PCED1B: variants seen among roughly 807,000 people sequenced by gnomAD.
The protein encoded by PCED1B is PC-esterase domain containing 1B, also known as PC-esterase domain-containing protein 1B.
For synonymous variants in PCED1B, 251 were observed against 246.1 expected (o/e 1.02, Z -0.19); for missense variants, 573 against 573.9 (o/e 1.00, Z 0.02).
chr12:47,125,718 A>T (rs533623747), intron 2 of PCED1B, among the ~76,000 whole-genome samples: 1 of 152,156 alleles, frequency 6.6e-6, no homozygotes, highest in African/African-American at 2.4e-5. Context: ...CAAGCCTTGG[A>T]CAGCTTTTGT....
intron 2 of PCED1B, among the ~76,000 whole-genome samples, chr12:47,136,521 G>C (rs56887741): frequency 1.1e-3 from 167 of 152,298 alleles, no homozygotes; most frequent in African/African-American, 3.8e-3. Context: ...AGCTGGGAAA[G>C]AAACCAAATA....
chr12:47,164,338 C>T (rs1392370264), intron 2 of PCED1B, among the ~76,000 whole-genome samples: 1 of 152,176 alleles, frequency 6.6e-6, no homozygotes, highest in Non-Finnish European at 1.5e-5. Flanking sequence ...GGTAAACATT[C>T]CCACTCCAAA....
At chr12:47,083,527 G>T (rs1029133931) in intron 1 of PCED1B, among the ~76,000 whole-genome samples, 4 of 152,154 alleles carry the variant, frequency 2.6e-5, no homozygotes, top group African/African-American at 9.7e-5. Context: ...CTATGGAAGT[G>T]CACTCAGCTC....
At chr12:47,133,330 A>T (rs577492403) in intron 2 of PCED1B, among the ~76,000 whole-genome samples, 8 of 152,178 alleles carry the variant, frequency 5.3e-5, no homozygotes, top group Non-Finnish European at 1.0e-4. Context: ...TCCTAGAAGG[A>T]TTTGATGTGA....
At chr12:47,193,698 T>C (rs1942517118) in intron 2 of PCED1B, among the ~76,000 whole-genome samples, 1 of 152,226 alleles carries the variant, frequency 6.6e-6, no homozygotes, top group African/African-American at 2.4e-5. Context: ...TTTCTCCCCG[T>C]GACATAAATT....
In PCED1B at chr12:47,235,172, C is replaced by G. The variant is rs1401182324; in HGVS notation, c.109C>G (p.Leu37Val). 1 of 1,588,504 alleles carries G rather than the reference C, an allele frequency of 6.3e-7. No individual in the cohort carries two copies. Among genetic ancestry groups the G allele is most frequent in the Admixed American group, 1.7e-5 (1 of 58,318 alleles). The change falls in exon 4 of 4, where the codon CTG becomes GTG. Residue 37 changes from leucine to valine, a missense_variant. Transcript: ENST00000546455. ...RAVYKDLVLLLQKDRLLTPGQ... is the reference protein window; with the variant it reads ...RAVYKDLVLLVQKDRLLTPGQ... The stretch of plus-strand genomic sequence containing the variant: ...AGTATACAAGGACCTGGTGCTTCTG[C>G]TGCAGAAGGACCGCCTGCTCACTCC...
At chr12:47,115,814 T>A (rs1056492092) in intron 2 of PCED1B, among the ~76,000 whole-genome samples, 13 of 152,228 alleles carry the variant, frequency 8.5e-5, no homozygotes, top group Admixed American at 6.5e-4. Context: ...TATGTGTAAA[T>A]TATTTAATAT....
chr12:47,154,318 A>G (rs1941114110), intron 2 of PCED1B, among the ~76,000 whole-genome samples: 1 of 152,182 alleles, frequency 6.6e-6, no homozygotes, highest in South Asian at 2.1e-4. Context: ...TATGAGCACT[A>G]CGAAAACACT....
At chr12:47,156,139 A>G (rs1941184708) in intron 2 of PCED1B, among the ~76,000 whole-genome samples, 1 of 152,208 alleles carries the variant, frequency 6.6e-6, no homozygotes, top group Non-Finnish European at 1.5e-5. Context: ...TTTATTCAAA[A>G]TATACTTTTT....
chr12:47,089,855 C>A lies in PCED1B; in HGVS notation c.-609+10130C>A, dbSNP rs554845482. On this transcript the variant is annotated intron_variant, in intron 1 of 3. Transcript: ENST00000546455. ...GTGGCATGATCTTGGCTCACTGCAA[C>A]CTCTGCCTCCCGGGTTCAAGTGATT... Among the ~76,000 whole-genome samples the A allele has an allele frequency of 6.6e-5, 10 of 152,130 alleles. No individual in the cohort carries two copies. In the East Asian group the frequency reaches 9.7e-4, roughly 15 times the overall value.
intron 1 of PCED1B, among the ~76,000 whole-genome samples, chr12:47,102,228 A>G (rs1026974254): frequency 6.6e-6 from 1 of 152,252 alleles, no homozygotes; most frequent in Non-Finnish European, 1.5e-5. Context: ...TCTGGTGAGC[A>G]TGATTACATG....
intron 1 of PCED1B, among the ~76,000 whole-genome samples, chr12:47,089,108 G>A (rs1938126343): frequency 6.6e-6 from 1 of 151,936 alleles, no homozygotes; most frequent in African/African-American, 2.4e-5. Flanking sequence ...GATATTTTTG[G>A]TGTCCCAGGG....
At chr12:47,206,539 C>A (rs1035177523) in intron 2 of PCED1B, 1 of 152,266 alleles carries the variant, frequency 6.6e-6, no homozygotes, top group Non-Finnish European at 1.5e-5. Context: ...TGGCACCAGG[C>A]TTGGTGTGTT....
chr12:47,203,455 C>T (rs1353327064), intron 2 of PCED1B, among the ~76,000 whole-genome samples: 1 of 152,128 alleles, frequency 6.6e-6, no homozygotes, highest in African/African-American at 2.4e-5. Flanking sequence ...GATTCTCTCC[C>T]TCCTCCCAAC....
At chr12:47,218,504 G>C (rs1943372307) in intron 3 of PCED1B, among the ~76,000 whole-genome samples, 1 of 152,162 alleles carries the variant, frequency 6.6e-6, no homozygotes, top group Non-Finnish European at 1.5e-5. Flanking sequence ...CCAAGGCAGA[G>C]ACAGTGTCTT....
intron 1 of PCED1B, among the ~76,000 whole-genome samples, chr12:47,099,362 GC>G (rs1409409038): frequency 2.6e-5 from 4 of 152,114 alleles, no homozygotes; most frequent in African/African-American, 7.2e-5. Context: ...CACACATAAA[GC>G]TTTTCCTTCC....
intron 2 of PCED1B, among the ~76,000 whole-genome samples, chr12:47,194,102 G>A (rs1482105098): frequency 2.6e-5 from 4 of 152,152 alleles, no homozygotes; most frequent in Non-Finnish European, 5.9e-5. Context: ...TTTGCAGCCA[G>A]CATTTTTCAG....
Position 47,236,277 on chromosome 12 carries a change from C to G in PCED1B, c.1214C>G (p.Pro405Arg). 6.2e-7 allele frequency: 1 copy of G among 1,614,156 alleles called. No individual in the cohort carries two copies. The highest frequency in any genetic ancestry group is 8.5e-7 in the Non-Finnish European group (1 of 1,180,042). Reference sequence around the variant, plus strand: ...CATAGGGGTTTTGGCAGGTATCGTCCCCGTGGCCCCTATACGCCCTGGGGA... The same window carrying G: ...CATAGGGGTTTTGGCAGGTATCGTCGCCGTGGCCCCTATACGCCCTGGGGA... ...VVHRGFGRYRPRGPYTPWGQR... is the reference protein window; with the variant it reads ...VVHRGFGRYRRRGPYTPWGQR... Residue 405 changes from proline to arginine, a missense_variant, in exon 4 of 4, where the codon CCC (proline) becomes CGC (arginine). By Grantham distance (103) the Pro-to-Arg change is moderately radical. Transcript: ENST00000546455.
intron 2 of PCED1B, among the ~76,000 whole-genome samples, chr12:47,215,411 G>A (rs1343295678): frequency 1.3e-5 from 2 of 151,738 alleles, no homozygotes; most frequent in Non-Finnish European, 1.5e-5. Context: ...CCACCACCAC[G>A]CCCAGCTAAT....
Sources: gnomAD v4.1 joint callset for allele counts (sites outside exome capture counted in the v4.1 genomes callset) on GRCh38, gnomAD v4.1.1 for gene constraint, MANE v1.5 for transcripts, NCBI Gene and HGNC (gene_info 2026-07-23, HGNC 2026-07-21) for gene names.